IDO2: variants seen among roughly 807,000 people sequenced by gnomAD.
The protein encoded by IDO2 is indoleamine 2,3-dioxygenase 2, also known as indoleamine 2,3-dioxygenase-like 1 protein.
In IDO2, 46 loss-of-function variants were observed where a neutral mutation model predicts 45.1. The observed-to-expected ratio is 1.02, with a 90% CI of 0.80 to 1.30. The LOEUF is 1.30. IDO2 is among the 50% of genes most tolerant of loss of function. IDO2 has a pLI of 0.00. For synonymous variants in IDO2, 218 were observed against 184.9 expected (o/e 1.18, Z -1.45); for missense variants, 544 against 491.8 (o/e 1.11, Z -1.00).
At chr8:39,948,181 C>A (rs1294794596) in intron 1 of IDO2, among the ~76,000 whole-genome samples, 1 of 152,150 alleles carries the variant, frequency 6.6e-6, no homozygotes, top group Non-Finnish European at 1.5e-5. Flanking sequence ...ATTTGCTAAA[C>A]CTAAAAAATA....
chr8:39,979,084 CCAGTTCCTGAAGGGTCACCGGGAG>C, exon 4 of IDO2: 2 of 1,591,352 alleles, frequency 1.3e-6, no homozygotes, highest in Non-Finnish European at 1.7e-6. Context: ...TGCTGAGCTG[CCAGTTCCTGAAGGGTCACCGGGAG>C]CAGCGCCTGG....
intron 1 of IDO2, among the ~76,000 whole-genome samples, chr8:39,943,094 G>A (rs1286376564): frequency 2.0e-5 from 3 of 152,166 alleles, no homozygotes; most frequent in South Asian, 2.1e-4. Context: ...TTGGCAGGGC[G>A]CAGTGGCTCA....
chr8:39,942,153 A>G (rs1269963313), intron 1 of IDO2, among the ~76,000 whole-genome samples: 2 of 152,208 alleles, frequency 1.3e-5, no homozygotes, highest in African/African-American at 4.8e-5. Context: ...AAACATGAGA[A>G]AAATAACATT....
intron 5 of IDO2, among the ~76,000 whole-genome samples, chr8:39,983,572 T>G (rs1430793635): frequency 1.3e-5 from 2 of 152,002 alleles, no homozygotes; most frequent in African/African-American, 4.8e-5. Context: ...AAGACTAATT[T>G]ATGTGCCCCG....
intron 8 of IDO2, among the ~76,000 whole-genome samples, chr8:40,003,186 A>G (rs1289932183): frequency 6.6e-6 from 1 of 152,066 alleles, no homozygotes; most frequent in Non-Finnish European, 1.5e-5. Flanking sequence ...CCTGGCCAAC[A>G]TGGTAAAGTC....
At chr8:39,966,207 G>A (rs1585403533) in intron 3 of IDO2, among the ~76,000 whole-genome samples, 1 of 151,646 alleles carries the variant, frequency 6.6e-6, no homozygotes, top group Admixed American at 6.6e-5. Context: ...TTTTGTATTT[G>A]TAGTAGAGAC....
At chr8:40,010,678 T>C (rs530634357) in intron 9 of IDO2, among the ~76,000 whole-genome samples, 1 of 152,156 alleles carries the variant, frequency 6.6e-6, no homozygotes, top group Non-Finnish European at 1.5e-5. Flanking sequence ...GAGTCAAAGA[T>C]AATTTGCAGG....
intron 1 of IDO2, among the ~76,000 whole-genome samples, chr8:39,938,735 CA>C (rs1343189155): frequency 9.9e-5 from 15 of 152,008 alleles, no homozygotes; most frequent in Non-Finnish European, 2.1e-4. Context: ...TCTTAAAACT[CA>C]AAAATAAGAA....
chr8:40,001,793 TTTG>T (rs1802141541), intron 8 of IDO2, among the ~76,000 whole-genome samples: 2 of 152,296 alleles, frequency 1.3e-5, no homozygotes, highest in East Asian at 1.9e-4. Context: ...TAAATACTTT[TTTG>T]TTGTTGTTGA....
At chr8:39,935,940 T>A (rs1011197218) in intron 1 of IDO2, among the ~76,000 whole-genome samples, 2 of 152,130 alleles carry the variant, frequency 1.3e-5, no homozygotes, top group African/African-American at 4.8e-5. Context: ...TAACTGAAAA[T>A]CAAAAGGGCA....
chr8:40,005,927 T>A (rs1284050869), intron 9 of IDO2, among the ~76,000 whole-genome samples: 1 of 152,206 alleles, frequency 6.6e-6, no homozygotes, highest in Non-Finnish European at 1.5e-5. Context: ...TGAGTGGAAC[T>A]AATGCCCTTA....
chr8:39,989,923 C>T (rs574994328), intron 8 of IDO2, 85 bp downstream of exon 8: 1 of 786,422 alleles, frequency 1.3e-6, no homozygotes, highest in Admixed American at 3.0e-5. Flanking sequence ...CCAGGCATGT[C>T]CTGAAGGGGG....
intron 9 of IDO2, among the ~76,000 whole-genome samples, chr8:40,007,082 T>C (rs929991907): frequency 3.3e-5 from 5 of 152,054 alleles, no homozygotes; most frequent in Non-Finnish European, 5.9e-5. Flanking sequence ...TATGTTTTTG[T>C]TTAATTTTTA....
intron 9 of IDO2, among the ~76,000 whole-genome samples, chr8:40,007,619 A>G (rs1233839340): frequency 6.6e-6 from 1 of 152,256 alleles, no homozygotes; most frequent in Non-Finnish European, 1.5e-5. Context: ...ATAGATGCAG[A>G]AACAGACTGG....
chr8:39,967,726 G>C (rs1808110982), intron 3 of IDO2, among the ~76,000 whole-genome samples: 1 of 152,208 alleles, frequency 6.6e-6, no homozygotes. Context: ...GACCTCAGGT[G>C]ATCCACCCGC....
chr8:39,960,782 A>G (rs1039055763), intron 2 of IDO2, among the ~76,000 whole-genome samples: 3 of 151,762 alleles, frequency 2.0e-5, no homozygotes, highest in Admixed American at 1.3e-4. Context: ...TTGACTTTTT[A>G]ATTAATTTAT....
At chr8:39,995,245 CCTT>C (rs1563438289) in intron 8 of IDO2, 3 of 68,750 alleles carry the variant, frequency 4.4e-5, no homozygotes, top group African/African-American at 1.5e-4. Context: ...TTCTCCTTCT[CCTT>C]CTCCTTCTTC....
intron 9 of IDO2, among the ~76,000 whole-genome samples, chr8:40,009,570 C>CT (rs995628888): frequency 6.6e-6 from 1 of 152,064 alleles, no homozygotes; most frequent in Non-Finnish European, 1.5e-5. Context: ...AATAGTTCCT[C>CT]TTTTTTCACA....
chr8:39,997,673 T>C (rs1802067027), intron 8 of IDO2, among the ~76,000 whole-genome samples: 1 of 152,038 alleles, frequency 6.6e-6, no homozygotes, highest in African/African-American at 2.4e-5. Flanking sequence ...AGTAAATAAA[T>C]AAATATCTTT....
Sources: gnomAD v4.1 joint callset for allele counts (sites outside exome capture counted in the v4.1 genomes callset) on GRCh38, gnomAD v4.1.1 for gene constraint, MANE v1.5 for transcripts, NCBI Gene and HGNC (gene_info 2026-07-23, HGNC 2026-07-21) for gene names.